VPS13B: variants seen among roughly 807,000 people sequenced by gnomAD.
The protein encoded by VPS13B is vacuolar protein sorting 13 homolog B.
A neutral mutation model predicts 426.4 loss-of-function variants in VPS13B; 285 were observed. The observed-to-expected ratio is 0.67, with a 90% confidence interval of 0.61 to 0.74. The LOEUF (loss-of-function observed/expected upper bound fraction) is 0.74, where lower values mean the gene tolerates loss of function less well. Among genes scored for constraint, VPS13B ranks in the 30% least tolerant of loss-of-function variants. The pLI, the probability that VPS13B is intolerant of heterozygous loss-of-function variation, is 0.00. For missense variants in VPS13B, 4,537 were observed against 4,782.6 expected, an observed-to-expected ratio of 0.95 and a Z score of 1.51; for synonymous variants, 1,676 against 1,676.4, an observed-to-expected ratio of 1.00 and a Z score of 0.01.
At chr8:99,275,289 CTTTT>C (rs11332378) in intron 19 of VPS13B, 35 bp downstream of exon 19, 4,420 of 1,183,740 alleles carry the variant, frequency 3.7e-3, no homozygotes, top group South Asian at 7.4e-3. Context: ...CCTTGTTTTG[CTTTT>C]TTTTTTTTTT....
In VPS13B at chr8:99,832,579, G is replaced by A. The variant is rs904676214; in HGVS notation, c.9541G>A (p.Val3181Ile). ...ACAGTGCTGGAGCCTGCCAGCTATA[G>A]TTAGACCAGAGTTTCCCAGACAGAG... ...SSQCWSLPAI[V>I]RPEFPRQSVA... Residue 3181 changes from valine (V) to isoleucine (I), a missense_variant, in exon 52 of 62, where the codon GTT becomes ATT. Coordinates refer to ENST00000357162, the MANE Select transcript of VPS13B (RefSeq NM_152564.5). 1.2e-6 allele frequency: 2 copies of A among 1,613,834 alleles called. No individual in the cohort carries two copies. The highest frequency in any genetic ancestry group is 1.3e-5 in the African/African-American group (1 of 74,838).
chr8:99,716,101 T>G (rs1832908768), intron 36 of VPS13B, among the ~76,000 whole-genome samples: 1 of 152,174 alleles, frequency 6.6e-6, no homozygotes, highest in African/African-American at 2.4e-5. Flanking sequence ...AGAAATTGAT[T>G]TCCACCATGA....
Position 99,607,013 on chromosome 8 carries a change from C to A in VPS13B, c.5220+29380C>A, listed in dbSNP as rs114799856. ...CTACTTGGATAATTAAGGATAATCT[C>A]CCCATTTCAAGATCTATAACCTTAA... On this transcript the variant is annotated intron_variant, in intron 33 of 61. Transcript: ENST00000357162. Among the ~76,000 whole-genome samples the A allele has an allele frequency of 8.9e-3, 1,354 of 152,264 alleles. 23 individuals are homozygous for A. Among genetic ancestry groups the A allele is most frequent in the African/African-American group, 0.031 (1,274 of 41,552 alleles).
At chr8:99,283,916 A>AT (rs1819291332) in intron 19 of VPS13B, among the ~76,000 whole-genome samples, 1 of 152,122 alleles carries the variant, frequency 6.6e-6, no homozygotes, top group South Asian at 2.1e-4. Flanking sequence ...AGTGCAGAGA[A>AT]TTTTTTTATC....
intron 14 of VPS13B, among the ~76,000 whole-genome samples, 180 bp downstream of exon 14, chr8:99,148,190 C>T (rs1272239819): frequency 1.3e-5 from 2 of 151,452 alleles, no homozygotes; most frequent in East Asian, 3.9e-4. Flanking sequence ...CCAGCCTAGG[C>T]AACAGCAATA....
At chr8:99,720,831 A>G (rs1833102582) in intron 38 of VPS13B, 32 bp from the exon 39 acceptor site, 1 of 1,579,074 alleles carries the variant, frequency 6.3e-7, no homozygotes, top group Non-Finnish European at 8.7e-7. Context: ...TCCCCTTTAA[A>G]TCATACAATT....
At chr8:99,125,297 GC>G (rs1347994658) in intron 8 of VPS13B, among the ~76,000 whole-genome samples, 1 of 152,146 alleles carries the variant, frequency 6.6e-6, no homozygotes, top group Non-Finnish European at 1.5e-5. Flanking sequence ...ATGTTCAAGG[GC>G]AGGAAGCATC....
chr8:99,621,623 G>A (rs1828352142), intron 33 of VPS13B, among the ~76,000 whole-genome samples: 1 of 151,890 alleles, frequency 6.6e-6, no homozygotes, highest in Admixed American at 6.6e-5. Flanking sequence ...TGCAGAATTC[G>A]CTATAACAGA....
At chr8:99,106,088 A>AT (rs1300818363) in intron 5 of VPS13B, among the ~76,000 whole-genome samples, 1 of 151,828 alleles carries the variant, frequency 6.6e-6, no homozygotes, top group Non-Finnish European at 1.5e-5. Context: ...TTTTTAAATA[A>AT]TTTTTTTTAA....
Position 99,672,995 on chromosome 8 carries a change from C to T in VPS13B, c.6046+11504C>T, listed in dbSNP as rs76416960. Among the ~76,000 whole-genome samples the T allele has an allele frequency of 8.9e-4, 136 of 151,984 alleles. 1 individual carries two copies. Among genetic ancestry groups the T allele is most frequent in the African/African-American group, 3.1e-3 (130 of 41,510 alleles). ...ACCTGTGATGACACCCGCTTGATCACGAGTAGATTTTTAATGTATTTTAAA... is the reference window on the plus strand; with the variant it reads ...ACCTGTGATGACACCCGCTTGATCATGAGTAGATTTTTAATGTATTTTAAA... On this transcript the variant is annotated intron_variant, in intron 35 of 61. Transcript: ENST00000357162.
In VPS13B at chr8:99,115,592, G is replaced by A. The variant is rs530346309; in HGVS notation, c.763-108G>A. On this transcript the variant is annotated intron_variant, in intron 6 of 61. Coordinates refer to ENST00000357162, the MANE Select transcript of VPS13B (RefSeq NM_152564.5). Reference sequence around the variant, plus strand: ...TGATTTAAGTATTAAAATGTTTGGAGCATTTCTTTTATGTTATGCCATTTA... The same window carrying A: ...TGATTTAAGTATTAAAATGTTTGGAACATTTCTTTTATGTTATGCCATTTA... 243 of 1,062,784 alleles carry A rather than the reference G, an allele frequency of 2.3e-4. 1 individual carries two copies. The highest frequency in any genetic ancestry group is 3.7e-4 in the Admixed American group (14 of 37,988). 65.8% of individuals were successfully genotyped at this position (1,062,784 alleles called of 1,614,324 possible).
intron 30 of VPS13B, among the ~76,000 whole-genome samples, chr8:99,544,141 T>A (rs1469313317): frequency 6.6e-6 from 1 of 151,692 alleles, no homozygotes; most frequent in African/African-American, 2.4e-5. Context: ...CCATAAAAAA[T>A]GATGAGTTCA....
chr8:99,654,950 A>G (rs973268702), intron 34 of VPS13B, among the ~76,000 whole-genome samples: 1 of 151,824 alleles, frequency 6.6e-6, no homozygotes, highest in Non-Finnish European at 1.5e-5. Flanking sequence ...CTCACCTGCT[A>G]CCCTAACTCC....
rs1351288829 is a variant in VPS13B at position 99,876,728 on chromosome 8, A to T, written c.*1062A>T. 2.6e-5 allele frequency: 4 copies of T among 152,186 alleles called. No individual in the cohort carries two copies. The highest frequency in any genetic ancestry group is 5.9e-5 in the Non-Finnish European group (4 of 68,022). The allele number at this position is 152,186 out of a possible 1,614,324, so 9.4% of individuals were successfully genotyped here. On this transcript the variant is annotated 3_prime_UTR_variant, in exon 62 of 62. Transcript: ENST00000357162. ...CCAAGATGTCTTAAATGTTCAGTAA[A>T]TATCTTTCTTACAGTCCAGTAGCTT... is the stretch of plus-strand genomic sequence containing the variant.
At chr8:99,832,345 T>TTTTTTTTTTTTTTTTTTTTTTTG in intron 51 of VPS13B, 24 bp from the exon 52 acceptor site, 1 of 1,375,702 alleles carries the variant, frequency 7.3e-7, no homozygotes, top group Non-Finnish European at 9.5e-7. Context: ...CTCTGCATTT[T>TTTTTTTTTTTTTTTTTTTTTTTG]TTTTTTTTTT....
intron 17 of VPS13B, among the ~76,000 whole-genome samples, chr8:99,194,777 T>C (rs763350041): frequency 2.6e-5 from 4 of 152,192 alleles, no homozygotes; most frequent in Non-Finnish European, 5.9e-5. Context: ...TACCCAGAAG[T>C]GGGATTGCTT....
At chr8:99,313,465 G>A (rs1042239047) in intron 19 of VPS13B, among the ~76,000 whole-genome samples, 3 of 152,122 alleles carry the variant, frequency 2.0e-5, no homozygotes, top group Admixed American at 6.5e-5. Flanking sequence ...TATCAGCAGC[G>A]GAGGCTGCAG....
At chr8:99,035,490 T>G (rs570793575) in intron 2 of VPS13B, among the ~76,000 whole-genome samples, 1 of 152,246 alleles carries the variant, frequency 6.6e-6, no homozygotes, top group African/African-American at 2.4e-5. Flanking sequence ...TGTTGTGGTA[T>G]ATTATGGGAT....
At chr8:99,160,460 A>AC (rs1308904497) in intron 15 of VPS13B, among the ~76,000 whole-genome samples, 1 of 151,450 alleles carries the variant, frequency 6.6e-6, no homozygotes, top group Admixed American at 6.6e-5. Context: ...GGAGGTCGAG[A>AC]CCCCCCTGAG....
Sources: gnomAD v4.1 joint callset for allele counts (sites outside exome capture counted in the v4.1 genomes callset) on GRCh38, gnomAD v4.1.1 for gene constraint, MANE v1.5 for transcripts, NCBI Gene and HGNC (gene_info 2026-07-23, HGNC 2026-07-21) for gene names.